The following LIMCH1 variants were observed in gnomAD, a reference collection of about 807,000 sequenced individuals.
The protein encoded by LIMCH1 is LIM and calponin homology domains-containing protein 1.
LIMCH1 carries 113 observed loss-of-function variants against 176.5 expected under a neutral mutation model. The ratio of observed to expected loss-of-function variants is 0.64; its 90% CI spans 0.55 to 0.75. LIMCH1 has a LOEUF of 0.75. Ranked by LOEUF, LIMCH1 falls within the 30% of genes least tolerant of loss-of-function variation. LIMCH1 has a pLI of 0.00. For missense variants in LIMCH1, 1,674 were observed against 1,814.9 expected (o/e 0.92, Z 1.41); for synonymous variants, 619 against 645.9 (o/e 0.96, Z 0.63).
At chr4:41,438,219 C>T (rs1017649025) in intron 1 of LIMCH1, among the ~76,000 whole-genome samples, 1 of 152,094 alleles carries the variant, frequency 6.6e-6, no homozygotes, top group African/African-American at 2.4e-5. Flanking sequence ...CAGAGATGTA[C>T]CCTCCATCAT....
chr4:41,664,335 A>G (rs2094745366), intron 20 of LIMCH1, among the ~76,000 whole-genome samples: 1 of 152,190 alleles, frequency 6.6e-6, no homozygotes, highest in Non-Finnish European at 1.5e-5. Flanking sequence ...GCCCTGTGCT[A>G]GGTACTGGAT....
rs2060291929 is a variant in LIMCH1 at position 41,419,588 on chromosome 4, T to TTCCTTCCTTCCTTCCTCCTTCC, written c.96+58667_96+58668insTCCTTCCTCCTTCCTTCCTTCC. On this transcript the variant is annotated intron_variant, in intron 1 of 26. Transcript: ENST00000313860. ...CTTCCTTCCTTCCTTCCTTCCTTCC[T>TTCCTTCCTTCCTTCCTCCTTCC]TCCTTCCTTCCTTCCGTCCTTCCTT... 1.0e-4 allele frequency among the ~76,000 whole-genome samples: 9 copies of TTCCTTCCTTCCTTCCTCCTTCC among 86,784 alleles called. 1 individual carries two copies. The highest frequency in any genetic ancestry group is 7.0e-4 in the African/African-American group (8 of 11,456). 56.9% of individuals were successfully genotyped at this position (86,784 alleles called of 152,430 possible).
intron 14 of LIMCH1, among the ~76,000 whole-genome samples, chr4:41,641,846 A>T (rs2093835736): frequency 6.6e-6 from 1 of 152,188 alleles, no homozygotes; most frequent in Non-Finnish European, 1.5e-5. Context: ...TCAACCATGT[A>T]CTTCCTGGTA....
intron 1 of LIMCH1, among the ~76,000 whole-genome samples, chr4:41,560,866 A>C (rs1008449191): frequency 1.3e-5 from 2 of 151,926 alleles, no homozygotes; most frequent in Non-Finnish European, 2.9e-5. Context: ...AGAAATACAA[A>C]CATCAGCCAG....
intron 1 of LIMCH1, among the ~76,000 whole-genome samples, chr4:41,438,991 G>A (rs2062409135): frequency 6.6e-6 from 1 of 152,312 alleles, no homozygotes; most frequent in Admixed American, 6.5e-5. Context: ...TGGTTTAAGG[G>A]TGAGGGGAGC....
At position 41,698,584 on chromosome 4, in the gene LIMCH1, A is replaced by C. The variant is rs1731896896; in HGVS notation, c.*1399A>C. On this transcript the variant is annotated 3_prime_UTR_variant, in exon 32 of 32. Coordinates refer to ENST00000503057, the MANE Select transcript of LIMCH1 (RefSeq NM_001330672.2). ...AAATAAGTCAAGATGACATTTTGTG[A>C]ATGTAGACTATGGATACACTCCTAA... 1 of 152,660 alleles carries C rather than the reference A, an allele frequency of 6.6e-6. No homozygotes were observed. The highest frequency in any genetic ancestry group is 2.4e-5 in the African/African-American group (1 of 41,468). The allele number at this position is 152,660 out of a possible 1,614,324, so 9.5% of individuals were successfully genotyped here. A position where few individuals can be genotyped will look rare whatever the true frequency, so the allele number is the denominator to read the frequency against.
chr4:41,540,308 G>T (rs2078459267), intron 1 of LIMCH1, among the ~76,000 whole-genome samples: 1 of 152,122 alleles, frequency 6.6e-6, no homozygotes, highest in African/African-American at 2.4e-5. Flanking sequence ...GGAGGAGGAG[G>T]AACTTTGGCT....
intron 1 of LIMCH1, among the ~76,000 whole-genome samples, chr4:41,414,350 A>G (rs2059740370): frequency 6.6e-6 from 1 of 152,144 alleles, no homozygotes; most frequent in Non-Finnish European, 1.5e-5. Flanking sequence ...GATTATCTTA[A>G]ATTAAAAAAC....
At chr4:41,594,683 G>GTT (rs764148332) in intron 1 of LIMCH1, among the ~76,000 whole-genome samples, 4 of 152,178 alleles carry the variant, frequency 2.6e-5, no homozygotes, top group Non-Finnish European at 5.9e-5. Flanking sequence ...CAGACCTGCA[G>GTT]TTATTTAAAT....
chr4:41,691,870 T>C (rs1055960453), intron 30 of LIMCH1, among the ~76,000 whole-genome samples: 3 of 152,214 alleles, frequency 2.0e-5, no homozygotes, highest in Non-Finnish European at 4.4e-5. Context: ...GATGGACACA[T>C]TTCAATTGAT....
chr4:41,578,019 A>C (rs2084786300), intron 1 of LIMCH1, among the ~76,000 whole-genome samples: 1 of 152,204 alleles, frequency 6.6e-6, no homozygotes, highest in South Asian at 2.1e-4. Flanking sequence ...TCCTCAAAAA[A>C]GTGTATCTGA....
intron 1 of LIMCH1, among the ~76,000 whole-genome samples, chr4:41,597,023 C>A (rs549087179): frequency 4.6e-5 from 7 of 152,230 alleles, no homozygotes; most frequent in African/African-American, 1.7e-4. Flanking sequence ...CTACCTCCCC[C>A]CAACCCCACC....
chr4:41,360,703 G>C (rs2051846990), upstream of LIMCH1: 2 of 479,282 alleles, frequency 4.2e-6, no homozygotes, highest in Non-Finnish European at 6.7e-6. This position sits in a 1 kb window ranked among gnomAD's most constrained non-coding sequence, Gnocchi z 4.5. Context: ...GGCTCTCCCG[G>C]GACCTGCGCC....
At chr4:41,590,359 A>G (rs1260375564) in intron 1 of LIMCH1, among the ~76,000 whole-genome samples, 1 of 152,100 alleles carries the variant, frequency 6.6e-6, no homozygotes, top group Non-Finnish European at 1.5e-5. Flanking sequence ...TGCTGAAATT[A>G]TAGGCATGAA....
intron 3 of LIMCH1, among the ~76,000 whole-genome samples, chr4:41,527,322 G>A (rs1408622663): frequency 6.6e-6 from 1 of 152,194 alleles, no homozygotes; most frequent in Non-Finnish European, 1.5e-5. Flanking sequence ...GCCTGCAAGT[G>A]GTTTCGTATT....
At chr4:41,550,550 G>A (rs949754522) in intron 1 of LIMCH1, among the ~76,000 whole-genome samples, 1 of 151,938 alleles carries the variant, frequency 6.6e-6, no homozygotes, top group African/African-American at 2.4e-5. Context: ...GTTTTTTATT[G>A]TTTGTATAAA....
chr4:41,433,177 G>A (rs1271419903), intron 1 of LIMCH1, among the ~76,000 whole-genome samples: 1 of 152,174 alleles, frequency 6.6e-6, no homozygotes, highest in South Asian at 2.1e-4. Context: ...AGGGCATTTA[G>A]TGAAAAAACA....
chr4:41,545,412 T>C (rs1223939447), intron 1 of LIMCH1, among the ~76,000 whole-genome samples: 1 of 152,234 alleles, frequency 6.6e-6, no homozygotes, highest in African/African-American at 2.4e-5. Flanking sequence ...TGAGTGTTTT[T>C]TTCCTGTTCG....
rs145474440 is a variant in LIMCH1 at position 41,361,082 on chromosome 4, C to T, written c.96+146C>T. On this transcript the variant is annotated intron_variant, in intron 1 of 26. Coordinates refer to the LIMCH1 transcript ENST00000313860. ...TGCTCCAGGTCACCCCCCCGGGCCT[C>T]GGCGAGCCGCGAAACCTTAGCGCTT... The T allele has an allele frequency of 4.0e-5, 21 of 531,614 alleles. No individual in the cohort carries two copies. The African/African-American group carries it at 4.3e-4, about 11-fold the overall frequency. 32.9% of individuals were successfully genotyped at this position (531,614 alleles called of 1,614,324 possible).
Sources: gnomAD v4.1 joint callset for allele counts (sites outside exome capture counted in the v4.1 genomes callset) on GRCh38, gnomAD v4.1.1 for gene constraint, Gnocchi (gnomAD v3.1) non-coding constraint, MANE v1.5 for transcripts, NCBI Gene and HGNC (gene_info 2026-07-23, HGNC 2026-07-21) for gene names.